STK38: variants seen among roughly 807,000 people sequenced by gnomAD.
The protein encoded by STK38 is serine/threonine-protein kinase 38.
Under a neutral mutation model 59.0 loss-of-function variants are expected in STK38, and 26 were observed. The observed-to-expected ratio is 0.44, with a 90% CI of 0.32 to 0.61. The LOEUF is 0.61. Among genes scored for constraint, STK38 ranks in the 20% least tolerant of loss-of-function variants. The pLI, the probability that STK38 is intolerant of heterozygous loss-of-function variation, is 0.04. For missense variants in STK38, 433 were observed against 566.0 expected, an observed-to-expected ratio of 0.76 and a Z score of 2.38; for synonymous variants, 175 against 176.6, an observed-to-expected ratio of 0.99 and a Z score of 0.07.
chr6:36,501,788 C>T (rs902789088), intron 9 of STK38, among the ~76,000 whole-genome samples: 9 of 152,062 alleles, frequency 5.9e-5, no homozygotes, highest in South Asian at 4.1e-4. Context: ...ATTTCTCTGC[C>T]GTATGCTATA....
intron 2 of STK38, among the ~76,000 whole-genome samples, chr6:36,538,220 C>T (rs930811194): frequency 2.6e-5 from 4 of 151,678 alleles, no homozygotes; most frequent in East Asian, 1.9e-4. Context: ...GGGAGAATGG[C>T]GTGAACCTGG....
At chr6:36,515,633 TG>T in intron 6 of STK38, 141 bp from the exon 7 acceptor site, 1 of 1,433,728 alleles carries the variant, frequency 7.0e-7, no homozygotes, top group Non-Finnish European at 9.2e-7. Flanking sequence ...ACCTCTTCTG[TG>T]TGCCAGAGAT....
intron 1 of STK38, among the ~76,000 whole-genome samples, chr6:36,541,058 C>T (rs924056546): frequency 4.0e-5 from 6 of 151,828 alleles, no homozygotes; most frequent in African/African-American, 1.2e-4. Context: ...ACCAATACAC[C>T]GGGCTAATTT....
chr6:36,524,258 T>G, intron 4 of STK38, 83 bp downstream of exon 4: 1 of 1,484,684 alleles, frequency 6.7e-7, no homozygotes, highest in Non-Finnish European at 9.0e-7. Context: ...ATTTGTTATA[T>G]CAACAATCAT....
intron 5 of STK38, among the ~76,000 whole-genome samples, chr6:36,520,902 T>A (rs1554168117): frequency 6.6e-6 from 1 of 152,078 alleles, no homozygotes; most frequent in Non-Finnish European, 1.5e-5. Flanking sequence ...CCAATCTCCA[T>A]CCCCCCTCTT....
chr6:36,544,388 C>T (rs1020395729), intron 1 of STK38, among the ~76,000 whole-genome samples: 15 of 151,822 alleles, frequency 9.9e-5, no homozygotes, highest in African/African-American at 3.6e-4. Flanking sequence ...GGGTGTGGTT[C>T]CTTATTTGTC....
At position 36,522,855 on chromosome 6, in the gene STK38, CAAAA is replaced by C. The variant is rs1200049731; in HGVS notation, c.307-1042_307-1039del. ...TGGGCAACAGAGCAAGACTCTGTCT[CAAAA>C]AAAAAAAAAAAAAAAAAAAGAAGAA... On this transcript the variant is annotated intron_variant, in intron 4 of 13. Transcript: ENST00000229812. Among the ~76,000 whole-genome samples the C allele has an allele frequency of 6.7e-3, 448 of 66,522 alleles. 3 individuals carry two copies. The highest frequency in any genetic ancestry group is 0.019 in the African/African-American group (423 of 21,730). 43.6% of individuals were successfully genotyped at this position (66,522 alleles called of 152,430 possible). A position where few individuals can be genotyped will look rare whatever the true frequency, so the allele number is the denominator to read the frequency against.
intron 6 of STK38, 117 bp from the exon 7 acceptor site, chr6:36,515,609 A>C: frequency 6.5e-7 from 1 of 1,539,548 alleles, no homozygotes; most frequent in Non-Finnish European, 8.7e-7. Flanking sequence ...TGCCAAAATA[A>C]GGCGGCTAAA....
At chr6:36,504,287 T>A (rs946593682) in intron 9 of STK38, among the ~76,000 whole-genome samples, 1 of 152,232 alleles carries the variant, frequency 6.6e-6, no homozygotes, top group Admixed American at 6.5e-5. Flanking sequence ...CATAACAATT[T>A]AAAACATTAC....
intron 2 of STK38, among the ~76,000 whole-genome samples, chr6:36,534,763 G>C (rs1777747002): frequency 6.8e-6 from 1 of 146,256 alleles, no homozygotes; most frequent in Admixed American, 7.0e-5. Context: ...CTTAAATCAA[G>C]AAGAAAACAA....
intron 13 of STK38, among the ~76,000 whole-genome samples, chr6:36,496,189 G>A (rs528675274): frequency 5.9e-5 from 9 of 151,896 alleles, no homozygotes; most frequent in East Asian, 5.8e-4. Flanking sequence ...GACTACAGGC[G>A]TGTGCCACCA....
At chr6:36,523,272 T>G (rs1181718701) in intron 4 of STK38, among the ~76,000 whole-genome samples, 1 of 143,510 alleles carries the variant, frequency 7.0e-6, no homozygotes, top group Non-Finnish European at 1.5e-5. Context: ...TTTGTTTTTT[T>G]TTTTTTTTGA....
chr6:36,496,478 T>C (rs1461548688), intron 13 of STK38, among the ~76,000 whole-genome samples: 1 of 152,208 alleles, frequency 6.6e-6, no homozygotes, highest in Non-Finnish European at 1.5e-5. Context: ...AAAGAACAGA[T>C]TTTTGTGACT....
intron 2 of STK38, among the ~76,000 whole-genome samples, chr6:36,533,327 G>GA (rs1777714868): frequency 6.6e-6 from 1 of 152,018 alleles, no homozygotes; most frequent in Non-Finnish European, 1.5e-5. Context: ...GTTCTTTAAT[G>GA]AAAAATAATG....
At chr6:36,517,979 CT>C in intron 5 of STK38, 139 bp from the exon 6 acceptor site, 1 of 1,180,034 alleles carries the variant, frequency 8.5e-7, no homozygotes, top group Non-Finnish European at 1.1e-6. Flanking sequence ...CCAATTTCTG[CT>C]TAGGCAAACC....
intron 9 of STK38, among the ~76,000 whole-genome samples, chr6:36,506,112 GTTCT>G (rs1036171545): frequency 2.1e-4 from 32 of 152,238 alleles, no homozygotes; most frequent in African/African-American, 7.5e-4. Context: ...TTATAAGTAA[GTTCT>G]TTTTTACATC....
chr6:36,537,853 A>C (rs2894407), intron 2 of STK38, among the ~76,000 whole-genome samples: 42,231 of 151,696 alleles, frequency 0.28, 6,802 homozygotes, highest in African/African-American at 0.44. Flanking sequence ...AAGCTATGAT[A>C]GTGCCACTGC....
At chr6:36,537,081 A>G (rs1318407405) in intron 2 of STK38, among the ~76,000 whole-genome samples, 1 of 152,132 alleles carries the variant, frequency 6.6e-6, no homozygotes, top group South Asian at 2.1e-4. Context: ...TCAATAATAA[A>G]GACAACTCCA....
chr6:36,533,082 AG>A (rs759467806), intron 2 of STK38, among the ~76,000 whole-genome samples: 5,875 of 145,656 alleles, frequency 0.04, 262 homozygotes, highest in African/African-American at 0.086. Flanking sequence ...AAAAAAAAAA[AG>A]GGGTACACAA....
Sources: gnomAD v4.1 joint callset for allele counts (sites outside exome capture counted in the v4.1 genomes callset) on GRCh38, gnomAD v4.1.1 for gene constraint, MANE v1.5 for transcripts, NCBI Gene and HGNC (gene_info 2026-07-23, HGNC 2026-07-21) for gene names.